The following CDC42SE2 variants were observed in gnomAD, a reference collection of about 807,000 sequenced individuals.
The protein encoded by CDC42SE2 is CDC42 small effector 2, also known as CDC42 small effector protein 2.
In CDC42SE2, 3 loss-of-function variants were observed where a neutral mutation model predicts 11.5. The observed-to-expected ratio is 0.26, with a 90% CI of 0.12 to 0.67. CDC42SE2 has a LOEUF of 0.67. Among genes scored for constraint, CDC42SE2 ranks in the 30% least tolerant of loss-of-function variants. CDC42SE2 has a pLI of 0.80. For synonymous variants in CDC42SE2, 33 were observed against 34.8 expected, an observed-to-expected ratio of 0.95 and a Z score of 0.18; for missense variants, 82 against 106.8, an observed-to-expected ratio of 0.77 and a Z score of 1.02.
intron 1 of CDC42SE2, among the ~76,000 whole-genome samples, chr5:131,268,425 A>G (rs1467078773): frequency 6.8e-6 from 1 of 147,554 alleles, no homozygotes; most frequent in East Asian, 2.0e-4. Flanking sequence ...TGTTTTTCAT[A>G]CTACCTGGGA....
chr5:131,389,584 ATATT>A (rs1242153602), intron 4 of CDC42SE2, among the ~76,000 whole-genome samples: 1 of 152,196 alleles, frequency 6.6e-6, no homozygotes, highest in Admixed American at 6.5e-5. Flanking sequence ...TTTACAGTAT[ATATT>A]GAAACCTGAC....
intron 1 of CDC42SE2, among the ~76,000 whole-genome samples, chr5:131,302,336 C>T (rs750235198): frequency 5.3e-5 from 8 of 152,200 alleles, no homozygotes; most frequent in East Asian, 1.9e-4. Flanking sequence ...TGCACCACCA[C>T]GCCTGGCTAT....
intron 1 of CDC42SE2, among the ~76,000 whole-genome samples, chr5:131,296,944 C>T (rs1561575906): frequency 6.6e-6 from 1 of 151,934 alleles, no homozygotes; most frequent in Admixed American, 6.6e-5. Flanking sequence ...AAAGACCACT[C>T]CACCTCTCTT....
At chr5:131,376,680 CTGT>C (rs1238811663) in intron 3 of CDC42SE2, among the ~76,000 whole-genome samples, 1 of 152,120 alleles carries the variant, frequency 6.6e-6, no homozygotes, top group Non-Finnish European at 1.5e-5. Context: ...GTCCTGGTAT[CTGT>C]TGTTGCCTTC....
chr5:131,234,932 C>CA, the CDC42SE2 span, among the ~76,000 whole-genome samples: 1 of 150,254 alleles, frequency 6.7e-6, no homozygotes, highest in African/African-American at 2.5e-5. Flanking sequence ...CTCTGTCGCC[C>CA]GGCTATAGTG....
chr5:131,383,195 G>A (rs1262830429), intron 3 of CDC42SE2, among the ~76,000 whole-genome samples: 1 of 152,168 alleles, frequency 6.6e-6, no homozygotes, highest in African/African-American at 2.4e-5. Context: ...CTGCCATTAG[G>A]GGCAGGGAGT....
At position 131,359,334 on chromosome 5, in the gene CDC42SE2, C is replaced by G. The variant is rs1749642940; in HGVS notation, c.-160C>G. ...TCCAAATTTTTCTTTATTAAATCGACTGTGTAAGATACTTGACTTCCAGGA... is the reference window on the plus strand; with the variant it reads ...TCCAAATTTTTCTTTATTAAATCGAGTGTGTAAGATACTTGACTTCCAGGA... On this transcript the variant is annotated 5_prime_UTR_variant, in exon 3 of 5. Coordinates refer to ENST00000505065, the MANE Select transcript of CDC42SE2 (RefSeq NM_001375635.1). The G allele has an allele frequency of 1.5e-6, 1 of 662,238 alleles. No individual in the cohort carries two copies. Among genetic ancestry groups the G allele is most frequent in the African/African-American group, 1.8e-5 (1 of 55,758 alleles). 41.0% of individuals were successfully genotyped at this position (662,238 alleles called of 1,614,324 possible).
At chr5:131,318,760 C>CT in intron 2 of CDC42SE2, among the ~76,000 whole-genome samples, 1 of 152,280 alleles carries the variant, frequency 6.6e-6, no homozygotes, top group South Asian at 2.1e-4. Context: ...TTTGTGAAAA[C>CT]TTTCTAGCTG....
chr5:131,247,581 C>G (rs565452785), intron 1 of CDC42SE2, among the ~76,000 whole-genome samples: 2 of 151,700 alleles, frequency 1.3e-5, no homozygotes, highest in African/African-American at 2.4e-5. Flanking sequence ...AATGCACCAC[C>G]GCACTCCACC....
At chr5:131,372,085 G>T (rs1750027133) in intron 3 of CDC42SE2, among the ~76,000 whole-genome samples, 2 of 152,068 alleles carry the variant, frequency 1.3e-5, no homozygotes, top group Non-Finnish European at 2.9e-5. Flanking sequence ...TCTTCATTGG[G>T]ATCTTAACAT....
intron 1 of CDC42SE2, among the ~76,000 whole-genome samples, chr5:131,267,293 G>A (rs1398878785): frequency 6.6e-6 from 1 of 151,912 alleles, no homozygotes; most frequent in African/African-American, 2.4e-5. Flanking sequence ...TCTTGACCTC[G>A]TGATCTGCCC....
intron 1 of CDC42SE2, among the ~76,000 whole-genome samples, chr5:131,288,111 A>T (rs544802418): frequency 2.6e-5 from 4 of 152,008 alleles, no homozygotes; most frequent in African/African-American, 9.6e-5. Flanking sequence ...TTAGCTTGGC[A>T]TGGTGGTCCC....
chr5:131,390,679 AAAG>A (rs1750624266), intron 4 of CDC42SE2, among the ~76,000 whole-genome samples: 1 of 152,200 alleles, frequency 6.6e-6, no homozygotes, highest in Non-Finnish European at 1.5e-5. Context: ...TCTTAAAAAA[AAAG>A]AAAGTGGAGT....
intron 2 of CDC42SE2, among the ~76,000 whole-genome samples, chr5:131,330,974 C>T (rs554682659): frequency 1.3e-4 from 20 of 152,046 alleles, no homozygotes; most frequent in African/African-American, 2.4e-4. Flanking sequence ...TGCAGGGAGC[C>T]GTGATTGCAC....
chr5:131,377,904 GACAA>G (rs1198696590), intron 3 of CDC42SE2, among the ~76,000 whole-genome samples: 16 of 152,160 alleles, frequency 1.1e-4, no homozygotes, highest in Admixed American at 2.0e-4. Context: ...TATTAGATAA[GACAA>G]ACAATTTTTA....
At chr5:131,238,616 A>G in the CDC42SE2 span, among the ~76,000 whole-genome samples, 1 of 152,020 alleles carries the variant, frequency 6.6e-6, no homozygotes, top group Non-Finnish European at 1.5e-5. Flanking sequence ...TTAAAGTAAA[A>G]AAATAATAAT....
At chr5:131,326,293 C>T (rs528258425) in intron 2 of CDC42SE2, among the ~76,000 whole-genome samples, 18 of 152,052 alleles carry the variant, frequency 1.2e-4, no homozygotes, top group African/African-American at 3.9e-4. Context: ...TTAATAGAGA[C>T]GGGGTTTCAC....
chr5:131,229,222 C>A, the CDC42SE2 span, among the ~76,000 whole-genome samples: 3 of 151,894 alleles, frequency 2.0e-5, no homozygotes, highest in East Asian at 5.8e-4. Context: ...GCTATGTTGT[C>A]CAGACTGATC....
chr5:131,359,979 G>T (rs1749662350), intron 3 of CDC42SE2, among the ~76,000 whole-genome samples: 1 of 152,044 alleles, frequency 6.6e-6, no homozygotes, highest in African/African-American at 2.4e-5. Flanking sequence ...TTATTTTTCA[G>T]TTGAAACAGG....
Sources: gnomAD v4.1 joint callset for allele counts (sites outside exome capture counted in the v4.1 genomes callset) on GRCh38, gnomAD v4.1.1 for gene constraint, MANE v1.5 for transcripts, NCBI Gene and HGNC (gene_info 2026-07-23, HGNC 2026-07-21) for gene names.